MSRB3: variants seen among roughly 807,000 people sequenced by gnomAD.
MSRB3 encodes the protein methionine sulfoxide reductase B3.
MSRB3 carries 13 observed loss-of-function variants against 21.0 expected under a neutral mutation model. The ratio of observed to expected loss-of-function variants is 0.62; its 90% CI spans 0.40 to 0.98. MSRB3 has a LOEUF of 0.98. MSRB3 is among the 50% of genes least tolerant of loss of function. The probability of loss-of-function intolerance (pLI) is 0.00; values close to 1 mark genes in which losing one functional copy is unlikely to be tolerated. For synonymous variants in MSRB3, 87 were observed against 88.6 expected, an observed-to-expected ratio of 0.98 and a Z score of 0.10; for missense variants, 199 against 230.3, an observed-to-expected ratio of 0.86 and a Z score of 0.88.
At chr12:65,413,229 A>G (rs552849057) in intron 5 of MSRB3, among the ~76,000 whole-genome samples, 7 of 152,336 alleles carry the variant, frequency 4.6e-5, no homozygotes, top group Non-Finnish European at 1.0e-4. Context: ...GAGAAAAGGC[A>G]GGCTTAAGCT....
intron 5 of MSRB3, among the ~76,000 whole-genome samples, chr12:65,369,395 C>T (rs1412383681): frequency 2.0e-5 from 3 of 152,056 alleles, no homozygotes; most frequent in African/African-American, 7.2e-5. Context: ...GAGATGGATG[C>T]ATTTAATTCA....
chr12:65,420,681 T>TTG (rs1361939250), intron 5 of MSRB3, among the ~76,000 whole-genome samples: 1 of 152,074 alleles, frequency 6.6e-6, no homozygotes, highest in African/African-American at 2.4e-5. Context: ...CTTTGTGTTC[T>TTG]TGTGTTCTCA....
chr12:65,337,425 T>G (rs1875850239), intron 4 of MSRB3, among the ~76,000 whole-genome samples: 1 of 63,566 alleles, frequency 1.6e-5, no homozygotes, highest in African/African-American at 6.9e-5. Flanking sequence ...AGAGTGAGAC[T>G]ACATCAAAAA....
intron 1 of MSRB3, among the ~76,000 whole-genome samples, chr12:65,301,754 A>G (rs989011922): frequency 9.9e-5 from 15 of 152,190 alleles, no homozygotes; most frequent in African/African-American, 3.1e-4. Flanking sequence ...AAAACATACA[A>G]TTATCTGAAA....
At chr12:65,330,780 T>C (rs1346371456) in intron 4 of MSRB3, among the ~76,000 whole-genome samples, 4 of 152,148 alleles carry the variant, frequency 2.6e-5, no homozygotes, top group Admixed American at 6.5e-5. Context: ...TGAAATCGTA[T>C]TTCACCTTGG....
intron 5 of MSRB3, among the ~76,000 whole-genome samples, chr12:65,413,286 T>C (rs1181144017): frequency 6.6e-6 from 1 of 152,172 alleles, no homozygotes; most frequent in African/African-American, 2.4e-5. Flanking sequence ...GGCCAAGATA[T>C]TTGCTTCCAT....
chr12:65,391,175 A>T (rs923465665), intron 5 of MSRB3, among the ~76,000 whole-genome samples: 3 of 152,220 alleles, frequency 2.0e-5, no homozygotes, highest in Non-Finnish European at 2.9e-5. Context: ...CTCTTCAGTG[A>T]ATGATGGGCG....
At chr12:65,383,660 ATTTT>A (rs59427831) in intron 5 of MSRB3, among the ~76,000 whole-genome samples, 12 of 137,882 alleles carry the variant, frequency 8.7e-5, no homozygotes, top group Admixed American at 1.5e-4. Context: ...TGTTAGTAGA[ATTTT>A]TTTTTTTTTT....
intron 5 of MSRB3, among the ~76,000 whole-genome samples, chr12:65,452,043 T>C (rs1266929243): frequency 6.6e-6 from 1 of 152,196 alleles, no homozygotes; most frequent in African/African-American, 2.4e-5. Context: ...CAATGTAGCA[T>C]AAAGGAAAAA....
At chr12:65,383,568 A>G (rs1879051845) in intron 5 of MSRB3, among the ~76,000 whole-genome samples, 2 of 152,172 alleles carry the variant, frequency 1.3e-5, no homozygotes, top group Admixed American at 6.5e-5. Flanking sequence ...TAGTATTTGT[A>G]AATTTCTTGG....
chr12:65,410,486 T>C (rs766497826), intron 5 of MSRB3, among the ~76,000 whole-genome samples: 4 of 151,932 alleles, frequency 2.6e-5, no homozygotes, highest in African/African-American at 4.8e-5. Flanking sequence ...TACAAAAAAA[T>C]ACAAAAAATT....
intron 5 of MSRB3, among the ~76,000 whole-genome samples, chr12:65,407,135 G>C (rs965768697): frequency 3.9e-5 from 6 of 152,260 alleles, no homozygotes; most frequent in African/African-American, 1.4e-4. Flanking sequence ...GCAGTGTAGA[G>C]AGTCCAGAAC....
intron 5 of MSRB3, among the ~76,000 whole-genome samples, chr12:65,404,536 A>G (rs1592605261): frequency 6.6e-6 from 1 of 152,102 alleles, no homozygotes; most frequent in Non-Finnish European, 1.5e-5. Context: ...ATTCCTCCTA[A>G]TGCTCTTTGT....
chr12:65,289,247 C>A (rs1872552148), intron 1 of MSRB3, among the ~76,000 whole-genome samples: 1 of 152,162 alleles, frequency 6.6e-6, no homozygotes, highest in African/African-American at 2.4e-5. Flanking sequence ...GTATTCCCAG[C>A]ACTTTGGGAG....
At chr12:65,322,115 G>A (rs1000362643) in intron 2 of MSRB3, among the ~76,000 whole-genome samples, 1 of 152,244 alleles carries the variant, frequency 6.6e-6, no homozygotes, top group South Asian at 2.1e-4. Context: ...TTAATAGGAA[G>A]TTAAAAAAGC....
At chr12:65,306,354 C>T (rs1281980896) in intron 1 of MSRB3, among the ~76,000 whole-genome samples, 1 of 152,120 alleles carries the variant, frequency 6.6e-6, no homozygotes, top group African/African-American at 2.4e-5. Context: ...TTTGATGTAA[C>T]CAAGGCATCC....
intron 5 of MSRB3, among the ~76,000 whole-genome samples, chr12:65,379,486 A>G (rs1011095415): frequency 6.6e-6 from 1 of 152,144 alleles, no homozygotes; most frequent in African/African-American, 2.4e-5. Flanking sequence ...AATATAGAAC[A>G]TTTCCACCTA....
intron 4 of MSRB3, among the ~76,000 whole-genome samples, chr12:65,359,123 T>C (rs1877559479): frequency 1.3e-5 from 2 of 152,072 alleles, no homozygotes; most frequent in South Asian, 4.1e-4. Flanking sequence ...TAATAAGTTA[T>C]ATAACAATGG....
In MSRB3 at chr12:65,466,396, G is replaced by A. The variant is rs1883576118; in HGVS notation, c.*3074G>A. The A allele has an allele frequency of 6.6e-6, 1 of 152,184 alleles. No homozygotes were observed. The highest frequency in any genetic ancestry group is 2.4e-5 in the African/African-American group (1 of 41,438). The allele number at this position is 152,184 out of a possible 1,614,324, so 9.4% of individuals were successfully genotyped here. A position where few individuals can be genotyped will look rare whatever the true frequency, so the allele number is the denominator to read the frequency against. On this transcript the variant is annotated 3_prime_UTR_variant, in exon 7 of 7. Transcript: ENST00000308259. ...ATTTTTGCAGGATATGGAGTGCAAT[G>A]AACTGAGTCAATATGGCAAGGTGTA... is the stretch of plus-strand genomic sequence containing the variant.
Sources: allele counts gnomAD v4.1 joint callset (sites outside exome capture counted in the v4.1 genomes callset), GRCh38; gene constraint gnomAD v4.1.1; transcripts MANE v1.5; gene names NCBI Gene and HGNC (gene_info 2026-07-23, HGNC 2026-07-21).